MTHFD1: variants seen among roughly 807,000 people sequenced by gnomAD.
The protein encoded by MTHFD1 is C-1-tetrahydrofolate synthase, cytoplasmic.
Under a neutral mutation model 110.3 loss-of-function variants are expected in MTHFD1, and 44 were observed. The ratio of observed to expected loss-of-function variants is 0.40; its 90% CI spans 0.31 to 0.51. The LOEUF is 0.51. MTHFD1 is among the 20% of genes least tolerant of loss of function. The pLI is 0.60. For synonymous variants in MTHFD1, 402 were observed against 428.8 expected (o/e 0.94, Z 0.77); for missense variants, 909 against 1,173.1 (o/e 0.77, Z 3.29).
intron 2 of MTHFD1, among the ~76,000 whole-genome samples, chr14:64,409,643 G>A (rs1321697759): frequency 2.6e-5 from 4 of 151,966 alleles, no homozygotes; most frequent in Non-Finnish European, 5.9e-5. Context: ...TGAGAGGCAC[G>A]AAAAGTCTAG....
At chr14:64,437,613 C>T (rs1170121535) in intron 16 of MTHFD1, among the ~76,000 whole-genome samples, 1 of 152,224 alleles carries the variant, frequency 6.6e-6, no homozygotes, top group Non-Finnish European at 1.5e-5. Context: ...GACTGCCCCA[C>T]TTCAGACACG....
intron 22 of MTHFD1, 97 bp from the exon 23 acceptor site, chr14:64,448,120 T>C: frequency 6.0e-6 from 5 of 840,026 alleles, no homozygotes; most frequent in Non-Finnish European, 1.0e-5. Context: ...TGATAGTGAG[T>C]GGCTGCTGGC....
At chr14:64,433,756 C>A (rs1480400768) in intron 15 of MTHFD1, among the ~76,000 whole-genome samples, 8 of 140,744 alleles carry the variant, frequency 5.7e-5, no homozygotes. Flanking sequence ...GGAGGCCAGG[C>A]GTGGTGGCTC....
intron 1 of MTHFD1, among the ~76,000 whole-genome samples, chr14:64,397,962 G>A (rs562527777): frequency 4.1e-4 from 62 of 152,094 alleles, no homozygotes; most frequent in African/African-American, 1.4e-3. Flanking sequence ...AACGGATTTC[G>A]GCAGGAATGA....
chr14:64,454,625 G>C, intron 25 of MTHFD1, 98 bp from the exon 26 acceptor site: 1 of 984,518 alleles, frequency 1.0e-6, no homozygotes, highest in Non-Finnish European at 1.6e-6. Context: ...TGGATGTTTC[G>C]AATAAATTGA....
intron 8 of MTHFD1, among the ~76,000 whole-genome samples, chr14:64,422,697 A>C (rs1373349774): frequency 2.6e-5 from 4 of 152,140 alleles, no homozygotes; most frequent in African/African-American, 9.6e-5. Context: ...AATGTAGAAG[A>C]GTCAGGGCTC....
Position 64,459,823 on chromosome 14 carries a change from A to C in MTHFD1, c.*69A>C, listed in dbSNP as rs1450243344. 1 of 1,535,826 alleles carries C rather than the reference A, an allele frequency of 6.5e-7. No homozygotes were observed. Among genetic ancestry groups the C allele is most frequent in the African/African-American group, 1.4e-5 (1 of 73,028 alleles). On this transcript the variant is annotated 3_prime_UTR_variant, in exon 28 of 28. Coordinates refer to ENST00000652337, the MANE Select transcript of MTHFD1 (RefSeq NM_005956.4). ...CCAGTGTCTATTCAGGCCCACTGGG[A>C]GTTAGGAAGTATAAGTAAGCCAAGA...
In MTHFD1 at chr14:64,388,433, G is replaced by A; in HGVS notation, c.6G>A (p.Ala2=). ...GCAGCGGACTAATAAAGGCCATGGCGCCAGCAGAAATCCTGAACGGGAAGG... is the reference window on the plus strand; with the variant it reads ...GCAGCGGACTAATAAAGGCCATGGCACCAGCAGAAATCCTGAACGGGAAGG... The part of the protein sequence containing the change: M[A]PAEILNGKEI... Residue 2 remains alanine, a synonymous_variant, in exon 1 of 28, where the codon GCG becomes GCA. Coordinates refer to ENST00000652337, the MANE Select transcript of MTHFD1 (RefSeq NM_005956.4). The A allele has an allele frequency of 1.9e-6, 3 of 1,614,118 alleles. No individual in the cohort carries two copies. The highest frequency in any genetic ancestry group is 1.1e-5 in the South Asian group (1 of 91,074).
chr14:64,451,837 C>T (rs1241631283), intron 24 of MTHFD1, among the ~76,000 whole-genome samples: 1 of 152,194 alleles, frequency 6.6e-6, no homozygotes, highest in Non-Finnish European at 1.5e-5. Flanking sequence ...ATTTATAGAG[C>T]TCCAGTTATG....
Position 64,412,544 on chromosome 14 carries a change from A to G in MTHFD1, c.240+19A>G, listed in dbSNP as rs2077992755. ...ATCTGAGGTGAGCTTTTATGAGTTG[A>G]TTGTGAAGAGGGAAGGTGAAGTGGT... On this transcript the variant is annotated intron_variant, in intron 4 of 27. Transcript: ENST00000652337. 10 of 1,598,786 alleles carry G rather than the reference A, an allele frequency of 6.3e-6. No homozygotes were observed. The highest frequency in any genetic ancestry group is 1.1e-5 in the South Asian group (1 of 90,772).
Position 64,442,981 on chromosome 14 carries a change from C to G in MTHFD1, c.2136+579C>G, listed in dbSNP as rs559480727. On this transcript the variant is annotated intron_variant, in intron 21 of 27. Coordinates refer to ENST00000652337, the MANE Select transcript of MTHFD1 (RefSeq NM_005956.4). ...AATTCCTACTGCTTAGAAATTCCTA[C>G]TACTTTTTATCCTAGTATTTTAACA... is the stretch of plus-strand genomic sequence containing the variant. Among the ~76,000 whole-genome samples, 33 of 152,290 alleles carry G rather than the reference C, an allele frequency of 2.2e-4. No homozygotes were observed. The South Asian group carries it at 5.8e-3, about 27-fold the overall frequency.
intron 26 of MTHFD1, among the ~76,000 whole-genome samples, chr14:64,455,592 C>T (rs1360126654): frequency 1.3e-5 from 2 of 152,170 alleles, no homozygotes; most frequent in African/African-American, 4.8e-5. Context: ...TATCCTGTAT[C>T]TACAGATTGT....
At chr14:64,392,704 A>G (rs2077816349) in intron 1 of MTHFD1, among the ~76,000 whole-genome samples, 1 of 152,172 alleles carries the variant, frequency 6.6e-6, no homozygotes, top group South Asian at 2.1e-4. Context: ...GCTTCTGTAT[A>G]TTGGGGTAGT....
intron 17 of MTHFD1, among the ~76,000 whole-genome samples, chr14:64,439,591 C>G (rs1222766570): frequency 1.3e-5 from 2 of 152,114 alleles, no homozygotes; most frequent in Non-Finnish European, 2.9e-5. Context: ...CCTACTATAA[C>G]ATTTATTTTA....
intron 2 of MTHFD1, among the ~76,000 whole-genome samples, chr14:64,407,736 T>C (rs938235701): frequency 1.3e-5 from 2 of 151,848 alleles, no homozygotes; most frequent in African/African-American, 4.8e-5. Context: ...TTTGTAGAGA[T>C]GGGGTTTCGA....
intron 2 of MTHFD1, among the ~76,000 whole-genome samples, chr14:64,409,154 A>C (rs1007810321): frequency 1.3e-5 from 2 of 152,210 alleles, no homozygotes; most frequent in African/African-American, 4.8e-5. Flanking sequence ...AGGAACAACA[A>C]CAGCGAGAGA....
chr14:64,434,018 A>T (rs2140970041), intron 15 of MTHFD1, among the ~76,000 whole-genome samples: 1 of 152,236 alleles, frequency 6.6e-6, no homozygotes, highest in South Asian at 2.1e-4. Context: ...TGACAGACAG[A>T]GACTGTCTCA....
intron 3 of MTHFD1, among the ~76,000 whole-genome samples, chr14:64,412,120 G>A (rs2077989924): frequency 6.6e-6 from 1 of 152,138 alleles, no homozygotes; most frequent in Non-Finnish European, 1.5e-5. Context: ...CAAAATATGG[G>A]GGAGGCATGT....
rs144291970 is a variant in MTHFD1 at position 64,442,224 on chromosome 14, A to G, written c.1997-39A>G. ...GTATGTTTCTTTTAACATCAGGGGA[A>G]TTGGGATGGCATTTTTACTGTTGCT... On this transcript the variant is annotated intron_variant, in intron 20 of 27. Coordinates refer to ENST00000652337, the MANE Select transcript of MTHFD1 (RefSeq NM_005956.4). 1,998 of 1,614,160 alleles carry G rather than the reference A, an allele frequency of 1.2e-3. 19 individuals carry two copies. In the African/African-American group the frequency reaches 0.023, roughly 19 times the overall value.
Sources: allele counts gnomAD v4.1 joint callset (sites outside exome capture counted in the v4.1 genomes callset), GRCh38; gene constraint gnomAD v4.1.1; transcripts MANE v1.5; gene names NCBI Gene and HGNC (gene_info 2026-07-23, HGNC 2026-07-21).